Variants in ZNF841 observed in about 807,000 individuals in gnomAD.
The protein encoded by ZNF841 is TCONS_00006091.
Under a neutral mutation model 13.0 loss-of-function variants are expected in ZNF841, and 11 were observed. The observed-to-expected ratio is 0.85, with a 90% CI of 0.53 to 1.40. The LOEUF is 1.40. Ranked by LOEUF, ZNF841 falls within the 40% of genes most tolerant of loss-of-function variation. The pLI is 0.00. For missense variants in ZNF841, 1,068 were observed against 1,139.5 expected (o/e 0.94, Z 0.90); for synonymous variants, 369 against 381.6 (o/e 0.97, Z 0.38).
downstream of ZNF841, chr19:52,063,841 C>A (rs772909931): frequency 6.6e-5 from 10 of 152,166 alleles, no homozygotes; most frequent in Admixed American, 2.0e-4. Flanking sequence ...TACATTTATA[C>A]GATTTCTTTC....
At chr19:52,060,324 CCTCT>C (rs892676565), downstream of ZNF841, among the ~76,000 whole-genome samples, 6 of 152,256 alleles carry the variant, frequency 3.9e-5, no homozygotes, top group South Asian at 2.1e-4. Flanking sequence ...GGGAAATCTT[CCTCT>C]CTCCATCTTT....
At chr19:52,087,687 C>CA (rs1322933655) in intron 3 of ZNF841, among the ~76,000 whole-genome samples, 1 of 151,956 alleles carries the variant, frequency 6.6e-6, no homozygotes, top group East Asian at 1.9e-4. Context: ...AAAAAAACTC[C>CA]AAAAAATAAA....
the ZNF841 span, chr19:52,058,860 ATTTAT>A: frequency 6.6e-6 from 1 of 152,576 alleles, no homozygotes; most frequent in South Asian, 2.1e-4. Context: ...TTATTTATTT[ATTTAT>A]TTTGAGACAC....
At chr19:52,063,385 T>C (rs2087437835), downstream of ZNF841, among the ~76,000 whole-genome samples, 1 of 151,966 alleles carries the variant, frequency 6.6e-6, no homozygotes. Flanking sequence ...GTCTCACTCT[T>C]GTCACCCAGG....
intron 4 of ZNF841, among the ~76,000 whole-genome samples, chr19:52,082,941 A>G (rs59667666): frequency 0.16 from 24,612 of 151,906 alleles, 2,563 homozygotes; most frequent in East Asian, 0.38. Flanking sequence ...TTAACTGGGC[A>G]CAGTGGTAGG....
At chr19:52,080,510 C>T (rs2088063013) in intron 4 of ZNF841, among the ~76,000 whole-genome samples, 1 of 152,182 alleles carries the variant, frequency 6.6e-6, no homozygotes, top group South Asian at 2.1e-4. Flanking sequence ...AATATCTGTC[C>T]AACTTCCTGA....
chr19:52,066,516 G>T lies in ZNF841; in HGVS notation c.1366C>A (p.Pro456Thr). The T allele has an allele frequency of 6.2e-7, 1 of 1,613,932 alleles. No individual in the cohort carries two copies. Among genetic ancestry groups the T allele is most frequent in the African/African-American group, 1.3e-5 (1 of 75,022 alleles). ...TTGCCACATTCATTACATTTGTAAG[G>T]TGTCTCTCCAGTATGAATTATCTGG... ...RHQIIHTGET[P>T]YKCNECGKVF... is the part of the protein sequence containing the mutation. The change falls in exon 7 of 7, where the codon CCT becomes ACT. Residue 456 changes from proline (P) to threonine (T), a missense_variant. Transcript: ENST00000594440.
intron 3 of ZNF841, among the ~76,000 whole-genome samples, chr19:52,086,480 G>A (rs1600102371): frequency 6.6e-6 from 1 of 152,116 alleles, no homozygotes; most frequent in Non-Finnish European, 1.5e-5. Context: ...AGCAGATGTC[G>A]CCATGCTTCC....
intron 2 of ZNF841, among the ~76,000 whole-genome samples, chr19:52,090,630 A>AAGGAAGGAAGGAAGGAAGGAAGGAAG (rs2088440011): frequency 1.1e-5 from 1 of 90,562 alleles, no homozygotes; most frequent in South Asian, 4.1e-4. Context: ...AAAGAAAGAA[A>AAGGAAGGAAGGAAGGAAGGAAGGAAG]GAAGGAAGGA....
chr19:52,059,275 G>A, the ZNF841 span, among the ~76,000 whole-genome samples: 8 of 147,202 alleles, frequency 5.4e-5, no homozygotes, highest in African/African-American at 1.5e-4. Flanking sequence ...GCAAGAACCC[G>A]AGAGGTGGAG....
rs764754573 is a variant in ZNF841, at chr19:52,066,620, A to G, written c.1262T>C (p.Ile421Thr). ...ATATGGTTTCTTTCCTGCATGGATT[A>G]TATGATGTGCAGTGAGGCTTGAGTT... The part of the protein sequence containing the change: ...KRNSSLTAHH[I>T]IHAGKKPYTC... Residue 421 changes from isoleucine (I) to threonine (T), a missense_variant, in exon 7 of 7, where the codon ATA (isoleucine) becomes ACA (threonine). Coordinates refer to ENST00000594440, the MANE Select transcript of ZNF841 (RefSeq NM_001136499.2). 6 of 1,613,522 alleles carry G rather than the reference A, an allele frequency of 3.7e-6. No individual in the cohort carries two copies. Among genetic ancestry groups the G allele is most frequent in the African/African-American group, 1.3e-5 (1 of 74,968 alleles).
chr19:52,092,962 C>T (rs746343621), intron 2 of ZNF841, among the ~76,000 whole-genome samples: 4 of 152,032 alleles, frequency 2.6e-5, no homozygotes, highest in Non-Finnish European at 5.9e-5. Flanking sequence ...CTACTAAAAA[C>T]ACAAAAAGCT....
intron 4 of ZNF841, among the ~76,000 whole-genome samples, chr19:52,083,776 A>G (rs1204478774): frequency 1.3e-5 from 2 of 151,014 alleles, no homozygotes; most frequent in African/African-American, 4.9e-5. Context: ...TAAAAAACTC[A>G]CGACAGTTTA....
chr19:52,090,019 G>C (rs16983450), intron 2 of ZNF841, among the ~76,000 whole-genome samples: 2,983 of 152,250 alleles, frequency 0.02, 96 homozygotes, highest in African/African-American at 0.068. Flanking sequence ...GAGAAAACTT[G>C]CCAGCAAGTG....
intron 4 of ZNF841, among the ~76,000 whole-genome samples, chr19:52,082,179 T>C (rs938116239): frequency 2.6e-5 from 4 of 152,164 alleles, no homozygotes; most frequent in Non-Finnish European, 4.4e-5. Context: ...GATCACTGAC[T>C]GACAAACTCA....
chr19:52,063,395 G>C (rs890154818), downstream of ZNF841, among the ~76,000 whole-genome samples: 4 of 151,900 alleles, frequency 2.6e-5, no homozygotes, highest in African/African-American at 9.7e-5. Flanking sequence ...TGTCACCCAG[G>C]CTGGAGTACA....
intron 6 of ZNF841, among the ~76,000 whole-genome samples, chr19:52,068,459 G>C (rs562771315): frequency 3.3e-5 from 5 of 151,966 alleles, no homozygotes; most frequent in Middle Eastern, 3.4e-3. Context: ...GGTGGATCAC[G>C]AGGTCAGGAG....
intron 2 of ZNF841, among the ~76,000 whole-genome samples, chr19:52,091,187 T>A (rs2088486316): frequency 6.6e-6 from 1 of 152,062 alleles, no homozygotes; most frequent in Admixed American, 6.5e-5. Flanking sequence ...AAAAAAACAT[T>A]GAAGAACACA....
intron 6 of ZNF841, among the ~76,000 whole-genome samples, chr19:52,074,906 A>C (rs902760242): frequency 6.6e-6 from 1 of 152,228 alleles, no homozygotes; most frequent in African/African-American, 2.4e-5. Context: ...CCCTTGAAAG[A>C]TACTTTTGTG....
Sources: gnomAD v4.1 joint callset for allele counts (sites outside exome capture counted in the v4.1 genomes callset) on GRCh38, gnomAD v4.1.1 for gene constraint, MANE v1.5 for transcripts, NCBI Gene and HGNC (gene_info 2026-07-23, HGNC 2026-07-21) for gene names.